ACAD10: variants seen among roughly 807,000 people sequenced by gnomAD.
ACAD10 encodes acyl-CoA dehydrogenase family member 10, also known as ACAD-10.
In ACAD10, 112 loss-of-function variants were observed where a neutral mutation model predicts 116.8. The observed-to-expected ratio is 0.96, with a 90% CI of 0.82 to 1.12. The LOEUF (loss-of-function observed/expected upper bound fraction) is 1.12. Ranked by LOEUF, ACAD10 falls within the 50% of genes most tolerant of loss-of-function variation. The probability of loss-of-function intolerance (pLI) is 0.00; values close to 1 mark genes in which losing one functional copy is unlikely to be tolerated. For missense variants in ACAD10, 1,259 were observed against 1,350.2 expected (o/e 0.93, Z 1.06); for synonymous variants, 486 against 510.6 (o/e 0.95, Z 0.65).
intron 4 of ACAD10, among the ~76,000 whole-genome samples, chr12:111,707,529 C>G (rs1888546849): frequency 6.6e-6 from 1 of 152,232 alleles, no homozygotes; most frequent in Admixed American, 6.5e-5. Context: ...ATCAGAAGGA[C>G]CCTTCCCCTG....
rs11066008 is a variant in ACAD10, at chr12:111,702,865, A to G, written c.336+555A>G. Among the ~76,000 whole-genome samples, 1,898 of 152,136 alleles carry G rather than the reference A, an allele frequency of 0.012. 277 individuals are homozygous for G. The East Asian group carries it at 0.32, about 26-fold the overall frequency. ...CTTCAGCACTTTGGGAGGCTGAGAC[A>G]GGAGAAGTGTTTGAACTCTGGAGTT... On this transcript the variant is annotated intron_variant, in intron 3 of 20. Coordinates refer to ENST00000313698, the MANE Select transcript of ACAD10 (RefSeq NM_025247.6).
At chr12:111,693,996 G>A (rs1419765091) in intron 2 of ACAD10, among the ~76,000 whole-genome samples, 2 of 151,930 alleles carry the variant, frequency 1.3e-5, no homozygotes, top group African/African-American at 2.4e-5. Context: ...TGGCTGTGTC[G>A]CCTCCTGCTA....
At chr12:111,710,305 GT>G (rs1479916289) in intron 5 of ACAD10, 10 of 452,530 alleles carry the variant, frequency 2.2e-5, no homozygotes, top group South Asian at 1.6e-4. Flanking sequence ...CCAAGCTGGT[GT>G]CGAACTCCTG....
At chr12:111,692,939 G>A in intron 2 of ACAD10, 43 bp downstream of exon 2, 1 of 1,597,472 alleles carries the variant, frequency 6.3e-7, no homozygotes, top group Non-Finnish European at 8.6e-7. Context: ...CTAGAGTGGT[G>A]GTGGGAGAAT....
At chr12:111,722,657 C>T (rs1202879250) in intron 8 of ACAD10, among the ~76,000 whole-genome samples, 1 of 152,072 alleles carries the variant, frequency 6.6e-6, no homozygotes. Context: ...ATCCATTTAA[C>T]CCTGAGTGGA....
intron 12 of ACAD10, among the ~76,000 whole-genome samples, chr12:111,740,830 A>G (rs1889718539): frequency 6.6e-6 from 1 of 151,962 alleles, no homozygotes; most frequent in Non-Finnish European, 1.5e-5. Flanking sequence ...TTCCAAAAGC[A>G]AAACTTAAAA....
At position 111,705,758 on chromosome 12, in the gene ACAD10, G is replaced by GGACTCATTTTTCTCTCTGTT. The variant is rs1566145362; in HGVS notation, c.361_380dup (p.Ser128HisfsTer6). ...CTTAGTTAAAGACCTCCGTGCCTGTGGACTCATTTTTCTCTCTGTTGACCA... is the reference window on the plus strand; with the variant it reads ...CTTAGTTAAAGACCTCCGTGCCTGTGGACTCATTTTTCTCTCTGTTGACTCATTTTTCTCTCTGTTGACCA... On this transcript the variant is annotated frameshift_variant, in exon 4 of 21. Coordinates refer to ENST00000313698, the MANE Select transcript of ACAD10 (RefSeq NM_025247.6). LOFTEE classifies it high-confidence loss of function. 2 of 1,614,058 alleles carry GGACTCATTTTTCTCTCTGTT rather than the reference G, an allele frequency of 1.2e-6. No homozygotes were observed. The highest frequency in any genetic ancestry group is 2.7e-5 in the African/African-American group (2 of 75,010).
At chr12:111,721,160 A>G (rs372405392) in intron 7 of ACAD10, among the ~76,000 whole-genome samples, 8 of 151,952 alleles carry the variant, frequency 5.3e-5, no homozygotes, top group Non-Finnish European at 1.2e-4. Context: ...TAGGTCTACA[A>G]TTTCACCATT....
At position 111,729,837 on chromosome 12, in the gene ACAD10, G is replaced by A. The variant is rs772022884; in HGVS notation, c.1275G>A (p.Trp425Ter). 6.2e-7 allele frequency: 1 copy of A among 1,614,130 alleles called. No individual in the cohort carries two copies. The highest frequency in any genetic ancestry group is 1.1e-5 in the South Asian group (1 of 91,080). Residue 425 changes from tryptophan (W) to a stop codon, truncating the protein, a stop_gained, in exon 10 of 21, where the codon TGG becomes TGA. Coordinates refer to ENST00000313698, the MANE Select transcript of ACAD10 (RefSeq NM_025247.6). LOFTEE classifies it high-confidence loss of function. ...GDYIPRQVRTWVKQYRASETS... is the reference protein window; with the variant it reads ...GDYIPRQVRT ...ATATTCCACGCCAGGTACGAACCTG[G>A]GTTAAGCAGTATCGAGCTTCCGAAA...
At chr12:111,712,733 T>C (rs1230504307) in intron 6 of ACAD10, 76 bp downstream of exon 6, 50 of 1,483,222 alleles carry the variant, frequency 3.4e-5, no homozygotes, top group Non-Finnish European at 4.5e-5. Context: ...TTTTCAACCC[T>C]AATGGAATGG....
At chr12:111,736,389 C>T (rs2135981209) in intron 11 of ACAD10, among the ~76,000 whole-genome samples, 1 of 152,096 alleles carries the variant, frequency 6.6e-6, no homozygotes, top group Admixed American at 6.6e-5. Flanking sequence ...CAGGGTTTCA[C>T]CATATTGGTC....
At position 111,733,938 on chromosome 12, in the gene ACAD10, G is replaced by A; in HGVS notation, c.1410G>A (p.Val470=). Residue 470 remains valine (V), a synonymous_variant, in exon 11 of 21, where the codon GTG becomes GTA. Transcript: ENST00000313698. ...VHGDFRLDNL[V]FHPEEPEVLA... is the part of the protein sequence containing the mutation. ...GACTTTTCAGGCTCGACAACCTGGTGTTTCATCCAGAAGAGCCAGAGGTGC... is the reference window on the plus strand; with the variant it reads ...GACTTTTCAGGCTCGACAACCTGGTATTTCATCCAGAAGAGCCAGAGGTGC... 6.2e-7 allele frequency: 1 copy of A among 1,614,228 alleles called. No individual in the cohort carries two copies. Among genetic ancestry groups the A allele is most frequent in the Non-Finnish European group, 8.5e-7 (1 of 1,180,046 alleles).
chr12:111,711,702 C>T (rs182113995), intron 5 of ACAD10, among the ~76,000 whole-genome samples: 5 of 151,770 alleles, frequency 3.3e-5, no homozygotes, highest in East Asian at 1.9e-4. Context: ...TTAGTAGAGA[C>T]GGGGTTTCAC....
chr12:111,747,141 G>A lies in ACAD10; in HGVS notation c.2349G>A (p.Leu783=), dbSNP rs974707306. 1.2e-6 allele frequency: 2 copies of A among 1,613,182 alleles called. No individual in the cohort carries two copies. The highest frequency in any genetic ancestry group is 1.3e-5 in the African/African-American group (1 of 74,920). The change falls in exon 15 of 21, where the codon CTG becomes CTA. Residue 783 remains leucine (L), a synonymous_variant. Transcript: ENST00000313698. ...AGAAGGCTCGCTGGCTGATTCCTCT[G>A]CTGGAGGGGAAAGCCCGCTCCTGTT... ...EAQKARWLIP[L]LEGKARSCFA...
At chr12:111,747,218 G>A (rs775628920) in intron 15 of ACAD10, 32 bp downstream of exon 15, 2 of 1,608,554 alleles carry the variant, frequency 1.2e-6, no homozygotes, top group South Asian at 2.2e-5. Context: ...CCACTTGCCT[G>A]GCCCTGTTGT....
At chr12:111,746,035 A>G (rs1889884982) in intron 13 of ACAD10, 109 bp from the exon 14 acceptor site, 16 of 1,424,594 alleles carry the variant, frequency 1.1e-5, no homozygotes, top group South Asian at 1.4e-5. Context: ...GCACACGTGC[A>G]TGTTTGGTTG....
chr12:111,736,806 A>G, intron 11 of ACAD10, 25 bp from the exon 12 acceptor site: 2 of 1,604,264 alleles, frequency 1.2e-6, no homozygotes, highest in Non-Finnish European at 8.5e-7. Flanking sequence ...GTGACTACCC[A>G]TGAATGGCTC....
chr12:111,715,413 G>A (rs1471901350), intron 6 of ACAD10: 3 of 199,036 alleles, frequency 1.5e-5, no homozygotes, highest in East Asian at 1.2e-4. Context: ...GCAGAGGGAC[G>A]TGCAAGGGCA....
rs370998180 is a variant in ACAD10, at chr12:111,734,252, GT to G, written c.1540+188del. Among the ~76,000 whole-genome samples, 785 of 152,346 alleles carry G rather than the reference GT, an allele frequency of 5.2e-3. 2 individuals carry two copies. Among genetic ancestry groups the G allele is most frequent in the African/African-American group, 0.018 (738 of 41,592 alleles). On this transcript the variant is annotated intron_variant, in intron 11 of 20. Coordinates refer to ENST00000313698, the MANE Select transcript of ACAD10 (RefSeq NM_025247.6). ...TTACGGGAAAGTGGATATAGGATGT[GT>G]TTTAAGTGAAAAGTATGCCTGTATA...
Sources: gnomAD v4.1 joint callset for allele counts (sites outside exome capture counted in the v4.1 genomes callset) on GRCh38, gnomAD v4.1.1 for gene constraint, MANE v1.5 for transcripts, NCBI Gene and HGNC (gene_info 2026-07-23, HGNC 2026-07-21) for gene names.